Variants in RAP2C observed in about 807,000 individuals in gnomAD.
RAP2C encodes ras-related protein Rap-2c.
A neutral mutation model predicts 8.9 loss-of-function variants in RAP2C; 3 were observed. The observed-to-expected ratio is 0.34, with a 90% CI of 0.15 to 0.87. RAP2C has a LOEUF of 0.87. RAP2C is among the 40% of genes least tolerant of loss of function. The probability of loss-of-function intolerance (pLI) is 0.51; values close to 1 mark genes in which losing one functional copy is unlikely to be tolerated. For missense variants in RAP2C, 76 were observed against 133.7 expected (o/e 0.57, Z 2.13); for synonymous variants, 60 against 52.1 (o/e 1.15, Z -0.65).
chrX:132,203,586 A>C lies in RAP2C; in HGVS notation c.*2036T>G, dbSNP rs1930187749. 9.1e-6 allele frequency: 1 copy of C among 109,599 alleles called. No homozygotes were observed. Among genetic ancestry groups the C allele is most frequent in the African/African-American group, 3.3e-5 (1 of 30,163 alleles). The allele number at this position is 109,599 out of a possible 1,213,427, so 9.0% of individuals were successfully genotyped here. ...GAAACAAGAACACAATCTACAGGAA[A>C]GAAACATTATAAAAAAATCAAAATC... On this transcript the variant is annotated 3_prime_UTR_variant, in exon 6 of 6. Transcript: ENST00000370874.
In RAP2C at chrX:132,218,360, C is replaced by T. The variant is rs1602899677; in HGVS notation, c.-745-19G>A. The T allele has an allele frequency of 9.2e-6, 1 of 108,362 alleles. No individual in the cohort carries two copies. Among genetic ancestry groups the T allele is most frequent in the African/African-American group, 3.4e-5 (1 of 29,711 alleles). The allele number at this position is 108,362 out of a possible 1,213,427, so 8.9% of individuals were successfully genotyped here. ...TGGAAACCTGCGACGTCAGTCCTTACCCGCCCGCGGCTGCCGCGGACCGTC... is the reference window on the plus strand; with the variant it reads ...TGGAAACCTGCGACGTCAGTCCTTATCCGCCCGCGGCTGCCGCGGACCGTC... On this transcript the variant is annotated intron_variant, in intron 1 of 5. Transcript: ENST00000370874.
chrX:132,216,885 C>T, intron 4 of RAP2C, 111 bp downstream of exon 4: 1 of 792,861 alleles, frequency 1.3e-6, no homozygotes, highest in South Asian at 4.8e-5. Flanking sequence ...TGCGTCATGT[C>T]TAACTTTCAA....
At chrX:132,208,318 G>GTC (rs916320914) in intron 5 of RAP2C, among the ~76,000 whole-genome samples, 61 of 109,347 alleles carry the variant, frequency 5.6e-4, no homozygotes, top group South Asian at 1.9e-3. Flanking sequence ...TACTAGCATT[G>GTC]TCTCTCTCTC....
chrX:132,210,134 G>T (rs2124138077), intron 5 of RAP2C, among the ~76,000 whole-genome samples: 1 of 110,989 alleles, frequency 9.0e-6, no homozygotes, highest in African/African-American at 3.3e-5. Flanking sequence ...GGGAAAAAAA[G>T]AACTATCTAA....
At chrX:132,205,789 TTGTGTGTGCG>T (rs759341456) in intron 5 of RAP2C, among the ~76,000 whole-genome samples, 149 of 110,661 alleles carry the variant, frequency 1.3e-3, no homozygotes, top group Non-Finnish European at 2.3e-3. Context: ...ATAATGTACT[TTGTGTGTGCG>T]TGTGTGTGCG....
In RAP2C at chrX:132,203,580, C is replaced by T. The variant is rs1376358600; in HGVS notation, c.*2042G>A. 1 of 99,179 alleles carries T rather than the reference C, an allele frequency of 1.0e-5. No homozygotes were observed. Among genetic ancestry groups the T allele is most frequent in the Non-Finnish European group, 2.1e-5 (1 of 48,379 alleles). The allele number at this position is 99,179 out of a possible 1,213,427, so 8.2% of individuals were successfully genotyped here. On this transcript the variant is annotated 3_prime_UTR_variant, in exon 6 of 6. Coordinates refer to ENST00000370874, the MANE Select transcript of RAP2C (RefSeq NM_001271186.2). The stretch of plus-strand genomic sequence containing the variant: ...GAGAGAGAAACAAGAACACAATCTA[C>T]AGGAAAGAAACATTATAAAAAAATC...
At chrX:132,215,721 G>T (rs1930560737) in intron 4 of RAP2C, among the ~76,000 whole-genome samples, 1 of 111,723 alleles carries the variant, frequency 9.0e-6, no homozygotes, top group Non-Finnish European at 1.9e-5. Context: ...CAAATCTCCT[G>T]AGGATCCTTT....
Position 132,217,497 on chromosome X carries a change from T to G in RAP2C, c.-229A>C. 1 of 274,739 alleles carries G rather than the reference T, an allele frequency of 3.6e-6. No homozygotes were observed. The allele number at this position is 274,739 out of a possible 1,213,427, so 22.6% of individuals were successfully genotyped here. On this transcript the variant is annotated 5_prime_UTR_variant, in exon 4 of 6. Coordinates refer to ENST00000370874, the MANE Select transcript of RAP2C (RefSeq NM_001271186.2). ...ATGGTAATGCCCTTCCTATAGGAACTGCAGCCCGAGCAGGGGGCGTGGGGA... is the reference window on the plus strand; with the variant it reads ...ATGGTAATGCCCTTCCTATAGGAACGGCAGCCCGAGCAGGGGGCGTGGGGA...
rs760167389 is a variant in RAP2C, at chrX:132,203,721, T to G, written c.*1901A>C. The G allele has an allele frequency of 7.1e-5, 8 of 112,350 alleles. No homozygotes were observed. In the South Asian group the frequency reaches 3.0e-3, roughly 42 times the overall value. 9.3% of individuals were successfully genotyped at this position (112,350 alleles called of 1,213,427 possible). A position where few individuals can be genotyped will look rare whatever the true frequency, so the allele number is the denominator to read the frequency against. The stretch of plus-strand genomic sequence containing the variant: ...ACTTAACCTACTTTTAAATGAGTGT[T>G]TGGTTTTAAGTTTGGTATTAAAGTG... On this transcript the variant is annotated 3_prime_UTR_variant, in exon 6 of 6. Transcript: ENST00000370874.
At chrX:132,215,256 G>A (rs1194441412) in intron 4 of RAP2C, among the ~76,000 whole-genome samples, 1 of 110,888 alleles carries the variant, frequency 9.0e-6, no homozygotes, top group Non-Finnish European at 1.9e-5. Context: ...GTGGGGGCAA[G>A]TATTGATTTA....
intron 5 of RAP2C, among the ~76,000 whole-genome samples, chrX:132,207,108 T>G (rs1350264932): frequency 1.8e-5 from 2 of 111,730 alleles, no homozygotes; most frequent in Non-Finnish European, 3.8e-5. Context: ...AGTATTTCAT[T>G]ATATATGCAG....
Position 132,214,346 on chromosome X carries a change from T to G in RAP2C, c.374A>C (p.Glu125Ala). The G allele has an allele frequency of 1.7e-6, 2 of 1,211,923 alleles. No homozygotes were observed. Among genetic ancestry groups the G allele is most frequent in the Non-Finnish European group, 2.2e-6 (2 of 895,510 alleles). Residue 125 changes from glutamate (E) to alanine (A), a missense_variant, in exon 5 of 6, where the codon GAG becomes GCG. By Grantham distance (107) the Glu-to-Ala change is moderately radical (BLOSUM62 -1). Coordinates refer to ENST00000370874, the MANE Select transcript of RAP2C (RefSeq NM_001271186.2). ...GNKVDLEPER[E>A]VMSSEGRALA... The stretch of plus-strand genomic sequence containing the variant: ...AGCTCTGCCTTCTGAAGACATAACC[T>G]CTCTTTCTGGTTCCAGATCCACTTT...
intron 5 of RAP2C, among the ~76,000 whole-genome samples, chrX:132,211,108 G>A (rs938624194): frequency 3.6e-5 from 4 of 110,517 alleles, no homozygotes; most frequent in African/African-American, 1.3e-4. Context: ...CATAATGGGG[G>A]ATGAGGAAGA....
chrX:132,219,020 C>CT (rs890781191), intron 1 of RAP2C, among the ~76,000 whole-genome samples: 2 of 112,548 alleles, frequency 1.8e-5, no homozygotes, highest in African/African-American at 6.5e-5. Context: ...GTGTTAGATT[C>CT]TAAGTTTCTA....
In RAP2C at chrX:132,219,412, G is replaced by A. The variant is rs1930793700; in HGVS notation, c.-788C>T. On this transcript the variant is annotated 5_prime_UTR_variant, in exon 1 of 6. Transcript: ENST00000370874. The stretch of plus-strand genomic sequence containing the variant: ...TTAGTTCAATTTCTCCTTGACCTCA[G>A]GCCGGTGCCATCTCTCCAGCGAAGT... 8.9e-6 allele frequency: 1 copy of A among 112,190 alleles called. No individual in the cohort carries two copies. Among genetic ancestry groups the A allele is most frequent in the African/African-American group, 3.2e-5 (1 of 30,813 alleles). 9.2% of individuals were successfully genotyped at this position (112,190 alleles called of 1,213,427 possible).
rs2124121827 is a variant in RAP2C, at chrX:132,204,759, T to C, written c.*863A>G. 1 of 111,338 alleles carries C rather than the reference T, an allele frequency of 9.0e-6. No homozygotes were observed. The highest frequency in any genetic ancestry group is 2.8e-4 in the East Asian group (1 of 3,571). The allele number at this position is 111,338 out of a possible 1,213,427, so 9.2% of individuals were successfully genotyped here. A position where few individuals can be genotyped will look rare whatever the true frequency, so the allele number is the denominator to read the frequency against. On this transcript the variant is annotated 3_prime_UTR_variant, in exon 6 of 6. Transcript: ENST00000370874. Reference sequence around the variant, plus strand: ...AGCTATCTCTGTTTAGGTATACAATTAATTTACCATGGATACAATATCCCT... The same window carrying C: ...AGCTATCTCTGTTTAGGTATACAATCAATTTACCATGGATACAATATCCCT...
At chrX:132,207,926 A>G (rs1220745673) in intron 5 of RAP2C, among the ~76,000 whole-genome samples, 1 of 110,958 alleles carries the variant, frequency 9.0e-6, no homozygotes, top group Non-Finnish European at 1.9e-5. Context: ...TTATCTCTGG[A>G]AGCTTCTATT....
intron 5 of RAP2C, among the ~76,000 whole-genome samples, chrX:132,206,128 G>A (rs1176621603): frequency 9.1e-6 from 1 of 110,263 alleles, no homozygotes; most frequent in African/African-American, 3.3e-5. Flanking sequence ...CACTCTAGGA[G>A]GCCAAGGTGG....
chrX:132,208,134 T>C (rs1011371641), intron 5 of RAP2C, among the ~76,000 whole-genome samples: 2 of 111,167 alleles, frequency 1.8e-5, no homozygotes, highest in Admixed American at 9.6e-5. Flanking sequence ...GGAACAAAGA[T>C]CATTATTTAT....
Sources: gnomAD v4.1 joint callset for allele counts (sites outside exome capture counted in the v4.1 genomes callset) on GRCh38, gnomAD v4.1.1 for gene constraint, MANE v1.5 for transcripts, NCBI Gene and HGNC (gene_info 2026-07-23, HGNC 2026-07-21) for gene names.